The following DPYD variants were observed in gnomAD, a reference collection of about 807,000 sequenced individuals.
DPYD encodes the protein dihydropyrimidine dehydrogenase [NADP(+)].
DPYD carries 109 observed loss-of-function variants against 116.2 expected under a neutral mutation model. The observed-to-expected ratio is 0.94, with a 90% CI of 0.80 to 1.10. The LOEUF is 1.10. Among genes scored for constraint, DPYD ranks in the 50% least tolerant of loss-of-function variants. The pLI is 0.00. For synonymous variants in DPYD, 440 were observed against 432.0 expected, an observed-to-expected ratio of 1.02 and a Z score of -0.23; for missense variants, 1,302 against 1,254.5, an observed-to-expected ratio of 1.04 and a Z score of -0.57.
chr1:97,280,449 G>T (rs995009843), intron 18 of DPYD, among the ~76,000 whole-genome samples: 2 of 152,082 alleles, frequency 1.3e-5, no homozygotes, highest in African/African-American at 4.8e-5. Flanking sequence ...GTGCTCCCAT[G>T]TTTATTGCAG....
intron 13 of DPYD, among the ~76,000 whole-genome samples, chr1:97,493,767 C>A (rs749824347): frequency 6.6e-6 from 1 of 152,168 alleles, no homozygotes; most frequent in African/African-American, 2.4e-5. Context: ...ACAAGTTTCT[C>A]ATTTCTTTCT....
At chr1:97,650,411 G>T (rs1224861935) in intron 8 of DPYD, among the ~76,000 whole-genome samples, 1 of 152,108 alleles carries the variant, frequency 6.6e-6, no homozygotes, top group East Asian at 1.9e-4. Context: ...TTAGTTTTAT[G>T]CTAAGACCTA....
In DPYD at chr1:97,673,653, G is replaced by C. The variant is rs554151250; in HGVS notation, c.850+5442C>G. Among the ~76,000 whole-genome samples the C allele has an allele frequency of 2.6e-5, 4 of 152,228 alleles. No individual in the cohort carries two copies. In the East Asian group the frequency reaches 7.7e-4, roughly 29 times the overall value. On this transcript the variant is annotated intron_variant, in intron 8 of 22. Transcript: ENST00000370192. ...CATGTAACTAGTGAATTATAATAAA[G>C]AAGGTGAAGAAGTGCTATACTACAG...
intron 20 of DPYD, among the ~76,000 whole-genome samples, chr1:97,142,182 C>A (rs1654273558): frequency 6.6e-6 from 1 of 152,134 alleles, no homozygotes; most frequent in Non-Finnish European, 1.5e-5. Context: ...CTAGATAGTT[C>A]TTCAAGTCAA....
At chr1:97,869,111 T>C (rs1285408542) in intron 2 of DPYD, among the ~76,000 whole-genome samples, 1 of 151,824 alleles carries the variant, frequency 6.6e-6, no homozygotes, top group Non-Finnish European at 1.5e-5. Context: ...TTTCATTTTA[T>C]TCCTGCTCAA....
chr1:97,646,936 C>A (rs975205854), intron 8 of DPYD, among the ~76,000 whole-genome samples: 2 of 152,018 alleles, frequency 1.3e-5, no homozygotes, highest in Admixed American at 6.6e-5. Flanking sequence ...TTGTTTCTTC[C>A]CCTCACCAGC....
intron 14 of DPYD, chr1:97,394,191 A>G (rs1362402451): frequency 1.3e-5 from 2 of 152,114 alleles, no homozygotes; most frequent in African/African-American, 4.8e-5. Flanking sequence ...TCTGGATATT[A>G]GCCCTTTGTC....
At chr1:97,576,545 T>A (rs1653274079) in intron 10 of DPYD, among the ~76,000 whole-genome samples, 1 of 152,182 alleles carries the variant, frequency 6.6e-6, no homozygotes, top group African/African-American at 2.4e-5. Context: ...CATGACTAAA[T>A]CAAAAACTTC....
intron 3 of DPYD, among the ~76,000 whole-genome samples, chr1:97,772,488 A>G (rs1214808195): frequency 6.6e-6 from 1 of 152,208 alleles, no homozygotes; most frequent in Non-Finnish European, 1.5e-5. Flanking sequence ...ATAAAAGTAT[A>G]ATTTCAATAG....
chr1:97,337,323 A>G (rs2101199748), intron 16 of DPYD, among the ~76,000 whole-genome samples: 1 of 152,318 alleles, frequency 6.6e-6, no homozygotes, highest in Non-Finnish European at 1.5e-5. Flanking sequence ...CTTAAAGTAC[A>G]ATGCCGAGCA....
intron 18 of DPYD, among the ~76,000 whole-genome samples, chr1:97,249,264 G>A (rs1662922099): frequency 6.6e-6 from 1 of 151,874 alleles, no homozygotes; most frequent in African/African-American, 2.4e-5. Context: ...ACGGAGTCCT[G>A]ATATAGTCCC....
intron 20 of DPYD, among the ~76,000 whole-genome samples, chr1:97,159,991 G>A (rs1332815323): frequency 6.6e-6 from 1 of 151,840 alleles, no homozygotes; most frequent in Non-Finnish European, 1.5e-5. Context: ...AGAGAAAGAT[G>A]AAGGATAAAA....
chr1:97,561,242 A>G (rs1438175427), intron 11 of DPYD, among the ~76,000 whole-genome samples: 2 of 152,182 alleles, frequency 1.3e-5, no homozygotes, highest in East Asian at 3.8e-4. Flanking sequence ...GCAAAGAGAA[A>G]GCATCCAGCG....
intron 1 of DPYD, among the ~76,000 whole-genome samples, chr1:97,910,279 G>T (rs1480087541): frequency 6.6e-6 from 1 of 151,890 alleles, no homozygotes; most frequent in East Asian, 1.9e-4. Context: ...ACAACATCTA[G>T]ACCAGTGCTT....
chr1:97,108,011 G>A (rs1162610936), intron 20 of DPYD, among the ~76,000 whole-genome samples: 2 of 151,984 alleles, frequency 1.3e-5, no homozygotes, highest in Admixed American at 1.3e-4. Flanking sequence ...TTTATTACTG[G>A]CCTCAAGTTT....
At chr1:97,722,878 T>C (rs572091469) in intron 4 of DPYD, among the ~76,000 whole-genome samples, 8 of 151,594 alleles carry the variant, frequency 5.3e-5, no homozygotes, top group African/African-American at 1.9e-4. Context: ...GATCAAAAAT[T>C]CCTAGATGCA....
intron 3 of DPYD, among the ~76,000 whole-genome samples, chr1:97,818,560 T>C (rs899615995): frequency 3.3e-5 from 5 of 152,018 alleles, no homozygotes; most frequent in Admixed American, 1.3e-4. Context: ...TTGCCGACCA[T>C]ATGGTTGATT....
intron 12 of DPYD, among the ~76,000 whole-genome samples, chr1:97,543,658 A>G (rs1650615869): frequency 6.6e-6 from 1 of 152,118 alleles, no homozygotes. Context: ...CAAATGCTAC[A>G]TTTGTGAGAA....
intron 20 of DPYD, among the ~76,000 whole-genome samples, chr1:97,134,662 C>T (rs1336655019): frequency 6.6e-6 from 1 of 152,148 alleles, no homozygotes; most frequent in African/African-American, 2.4e-5. Context: ...TAGATTTTCA[C>T]TATTTGAATG....
Sources: allele counts gnomAD v4.1 joint callset (sites outside exome capture counted in the v4.1 genomes callset), GRCh38; gene constraint gnomAD v4.1.1; transcripts MANE v1.5; gene names NCBI Gene and HGNC (gene_info 2026-07-23, HGNC 2026-07-21).